Variants in GRM8 observed in about 807,000 individuals in gnomAD.
GRM8 encodes the protein metabotropic glutamate receptor 8.
GRM8 carries 47 observed loss-of-function variants against 87.2 expected under a neutral mutation model. The observed-to-expected ratio is 0.54, with a 90% CI of 0.43 to 0.69. The LOEUF is 0.69. GRM8 is among the 30% of genes least tolerant of loss of function. The pLI is 0.00. For missense variants in GRM8, 1,019 were observed against 1,139.2 expected (o/e 0.89, Z 1.52); for synonymous variants, 396 against 404.5 (o/e 0.98, Z 0.25).
intron 3 of GRM8, among the ~76,000 whole-genome samples, chr7:126,973,013 C>A (rs1387397160): frequency 6.6e-6 from 1 of 152,206 alleles, no homozygotes; most frequent in African/African-American, 2.4e-5. Context: ...AGCCAGACAG[C>A]TATCCAATAA....
chr7:126,758,608 GCA>G (rs1817263947), intron 7 of GRM8, among the ~76,000 whole-genome samples: 1 of 152,000 alleles, frequency 6.6e-6, no homozygotes, highest in South Asian at 2.1e-4. Flanking sequence ...AATACAAATG[GCA>G]CAGTTTGGGC....
chr7:126,669,599 A>G (rs534612837), intron 7 of GRM8, among the ~76,000 whole-genome samples: 16 of 152,340 alleles, frequency 1.1e-4, no homozygotes, highest in Non-Finnish European at 2.4e-4. Flanking sequence ...CTGGCTTCAC[A>G]ATTGGTAAGG....
chr7:127,158,692 C>T (rs1405759951), intron 2 of GRM8, among the ~76,000 whole-genome samples: 3 of 152,108 alleles, frequency 2.0e-5, no homozygotes, highest in South Asian at 2.1e-4. Flanking sequence ...GCCCTCATGA[C>T]TTAATCACTT....
At position 127,214,574 on chromosome 7, in the gene GRM8, G is replaced by A. The variant is rs191352020; in HGVS notation, c.510+28121C>T. Among the ~76,000 whole-genome samples the A allele has an allele frequency of 3.1e-3, 469 of 152,282 alleles. 1 individual carries two copies. Among genetic ancestry groups the A allele is most frequent in the Non-Finnish European group, 5.7e-3 (386 of 68,020 alleles). On this transcript the variant is annotated intron_variant, in intron 2 of 10. Coordinates refer to ENST00000339582, the MANE Select transcript of GRM8 (RefSeq NM_000845.3). ...GAAACTTACAATCATGGCAGAAGGC[G>A]AAAGAGAAGCAAGTCACGTCTTACA...
chr7:127,174,607 T>C (rs1361020111), intron 2 of GRM8, among the ~76,000 whole-genome samples: 1 of 152,166 alleles, frequency 6.6e-6, no homozygotes, highest in Non-Finnish European at 1.5e-5. Context: ...TCTCAATTAT[T>C]TTTCAGTCTC....
intron 9 of GRM8, among the ~76,000 whole-genome samples, chr7:126,520,184 AAGAAG>A (rs1284374811): frequency 6.6e-6 from 1 of 152,106 alleles, no homozygotes; most frequent in Non-Finnish European, 1.5e-5. Context: ...CAGGGGAAAA[AAGAAG>A]AGAAGTCTAA....
At chr7:127,244,240 T>C (rs756410966) in intron 1 of GRM8, among the ~76,000 whole-genome samples, 1 of 152,148 alleles carries the variant, frequency 6.6e-6, no homozygotes, top group Non-Finnish European at 1.5e-5. Flanking sequence ...GAGCAATGGG[T>C]ATATTAACAG....
At chr7:127,037,421 G>C (rs140763873) in intron 3 of GRM8, among the ~76,000 whole-genome samples, 23 of 152,276 alleles carry the variant, frequency 1.5e-4, no homozygotes, top group Admixed American at 3.3e-4. Flanking sequence ...TCTCTCACCT[G>C]TCTGAGCCTC....
intron 9 of GRM8, among the ~76,000 whole-genome samples, chr7:126,451,283 T>G (rs1802589953): frequency 6.6e-6 from 1 of 151,826 alleles, no homozygotes. Flanking sequence ...AATACCGTGC[T>G]TCTAGTTCTT....
chr7:126,468,674 C>G (rs1438592423), intron 9 of GRM8, among the ~76,000 whole-genome samples: 1 of 152,018 alleles, frequency 6.6e-6, no homozygotes, highest in East Asian at 1.9e-4. Flanking sequence ...TTGTCTGTGT[C>G]CAAAAAAGAA....
chr7:126,589,834 T>A lies in GRM8; in HGVS notation c.1494+19528A>T, dbSNP rs962573756. 2.6e-5 allele frequency among the ~76,000 whole-genome samples: 4 copies of A among 152,232 alleles called. No individual in the cohort carries two copies. In the South Asian group the frequency reaches 8.3e-4, roughly 32 times the overall value. ...GTGCAGACACCCCCTAGTAGGTAAG[T>A]ACTACATCAAGGGAGCACCCCATGG... is the stretch of plus-strand genomic sequence containing the variant. On this transcript the variant is annotated intron_variant, in intron 8 of 10. Coordinates refer to ENST00000339582, the MANE Select transcript of GRM8 (RefSeq NM_000845.3).
chr7:127,042,040 G>A (rs1046494204), intron 3 of GRM8, among the ~76,000 whole-genome samples: 1 of 152,130 alleles, frequency 6.6e-6, no homozygotes, highest in African/African-American at 2.4e-5. Context: ...CTAACAATAG[G>A]AACTGGTTTA....
At chr7:127,092,356 T>A (rs996061998) in intron 3 of GRM8, among the ~76,000 whole-genome samples, 26 of 152,118 alleles carry the variant, frequency 1.7e-4, no homozygotes, top group African/African-American at 6.0e-4. Context: ...GAGGAGGGGA[T>A]GAAGATTAGA....
At chr7:126,818,733 C>G (rs764670180) in intron 6 of GRM8, among the ~76,000 whole-genome samples, 2 of 152,124 alleles carry the variant, frequency 1.3e-5, no homozygotes, top group African/African-American at 4.8e-5. Flanking sequence ...CTCTTCTATG[C>G]TAAATTCCAG....
chr7:126,581,381 T>A (rs1453924947), intron 8 of GRM8, among the ~76,000 whole-genome samples: 3 of 152,094 alleles, frequency 2.0e-5, no homozygotes, highest in African/African-American at 4.8e-5. Flanking sequence ...TAATTGCTTA[T>A]CCAGCTGGTA....
At chr7:126,949,805 G>T (rs1586568829) in intron 3 of GRM8, among the ~76,000 whole-genome samples, 1 of 152,170 alleles carries the variant, frequency 6.6e-6, no homozygotes, top group African/African-American at 2.4e-5. Flanking sequence ...TGGGGAGGAG[G>T]AAGGGAGCAG....
At chr7:126,508,469 T>C (rs1160666668) in intron 9 of GRM8, among the ~76,000 whole-genome samples, 1 of 151,866 alleles carries the variant, frequency 6.6e-6, no homozygotes, top group African/African-American at 2.4e-5. Flanking sequence ...CCTAAACACC[T>C]CCCATGAGGC....
chr7:126,739,019 T>C (rs1048628710), intron 7 of GRM8, among the ~76,000 whole-genome samples: 1 of 151,602 alleles, frequency 6.6e-6, no homozygotes, highest in African/African-American at 2.4e-5. Flanking sequence ...GAAATATTGG[T>C]ACAGGGAGGA....
At chr7:126,554,796 C>G (rs1317503110) in intron 8 of GRM8, among the ~76,000 whole-genome samples, 2 of 151,982 alleles carry the variant, frequency 1.3e-5, no homozygotes, top group African/African-American at 4.8e-5. Context: ...TTTTTATTGT[C>G]ATATATGTTA....
Sources: allele counts gnomAD v4.1 joint callset (sites outside exome capture counted in the v4.1 genomes callset), GRCh38; gene constraint gnomAD v4.1.1; transcripts MANE v1.5; gene names NCBI Gene and HGNC (gene_info 2026-07-23, HGNC 2026-07-21).